PREX2: variants seen among roughly 807,000 people sequenced by gnomAD.
PREX2 encodes phosphatidylinositol 3,4,5-trisphosphate-dependent Rac exchanger 2 protein.
PREX2 carries 107 observed loss-of-function variants against 203.2 expected under a neutral mutation model. The ratio of observed to expected loss-of-function variants is 0.53; its 90% CI spans 0.45 to 0.62. PREX2 has a LOEUF of 0.62. Among genes scored for constraint, PREX2 ranks in the 20% least tolerant of loss-of-function variants. PREX2 has a pLI of 0.00. For missense variants in PREX2, 1,777 were observed against 1,955.9 expected (o/e 0.91, Z 1.72); for synonymous variants, 672 against 663.6 (o/e 1.01, Z -0.19).
intron 1 of PREX2, among the ~76,000 whole-genome samples, chr8:68,016,023 G>A (rs563408790): frequency 6.6e-6 from 1 of 152,268 alleles, no homozygotes; most frequent in South Asian, 2.1e-4. Context: ...TGAACTGGTT[G>A]AATCAGGAAT....
intron 1 of PREX2, among the ~76,000 whole-genome samples, chr8:67,954,689 A>G (rs141474378): frequency 2.0e-5 from 3 of 152,352 alleles, no homozygotes; most frequent in Admixed American, 1.3e-4. Flanking sequence ...GTCAAATTAA[A>G]TATTTGTTAG....
chr8:68,204,459 C>T (rs1256661296), intron 37 of PREX2, among the ~76,000 whole-genome samples: 1 of 152,068 alleles, frequency 6.6e-6, no homozygotes, highest in Non-Finnish European at 1.5e-5. Context: ...ATGGCTAATT[C>T]CCTGTGCAGC....
chr8:68,186,974 C>G (rs545520317), intron 35 of PREX2, among the ~76,000 whole-genome samples: 1 of 151,876 alleles, frequency 6.6e-6, no homozygotes, highest in Non-Finnish European at 1.5e-5. Flanking sequence ...AAGTGAATGT[C>G]GCAGAATCAG....
intron 11 of PREX2, among the ~76,000 whole-genome samples, chr8:68,063,466 C>T (rs1002700677): frequency 6.6e-6 from 1 of 152,182 alleles, no homozygotes; most frequent in South Asian, 2.1e-4. Flanking sequence ...GATGGCTGAG[C>T]CTCTGTCAGA....
intron 31 of PREX2, among the ~76,000 whole-genome samples, chr8:68,132,521 T>G (rs1016824411): frequency 1.3e-5 from 2 of 152,108 alleles, no homozygotes; most frequent in African/African-American, 4.8e-5. Context: ...AATAAAATTT[T>G]CAAGAGTAGG....
intron 13 of PREX2, among the ~76,000 whole-genome samples, chr8:68,071,633 G>A (rs1386111845): frequency 6.6e-6 from 1 of 152,034 alleles, no homozygotes; most frequent in Non-Finnish European, 1.5e-5. Context: ...AAATTTGGTT[G>A]GTATCCAACA....
At chr8:68,196,315 T>C (rs1812392503) in intron 37 of PREX2, among the ~76,000 whole-genome samples, 1 of 149,970 alleles carries the variant, frequency 6.7e-6, no homozygotes, top group South Asian at 2.1e-4. Flanking sequence ...TAGTTAAATA[T>C]ATAGAAAAAC....
chr8:68,006,828 A>G (rs1050713001), intron 1 of PREX2, among the ~76,000 whole-genome samples: 1 of 152,234 alleles, frequency 6.6e-6, no homozygotes, highest in Admixed American at 6.5e-5. Context: ...TATTGATGTT[A>G]GGGGATATTT....
rs374485957 is a variant in PREX2, at chr8:68,181,669, A to G, written c.4347-10053A>G. ...TTTTCTTGAGCAACAGCTACCATCC[A>G]TGATGGATAATTTTCAGTATTTTTT... On this transcript the variant is annotated intron_variant, in intron 35 of 39. Coordinates refer to ENST00000288368, the MANE Select transcript of PREX2 (RefSeq NM_024870.4). 1.3e-3 allele frequency among the ~76,000 whole-genome samples: 193 copies of G among 152,272 alleles called. 1 individual carries two copies. The highest frequency in any genetic ancestry group is 4.4e-3 in the African/African-American group (181 of 41,580).
intron 4 of PREX2, 125 bp downstream of exon 4, chr8:68,022,265 A>C: frequency 1.7e-6 from 1 of 590,520 alleles, no homozygotes; most frequent in South Asian, 2.1e-5. Flanking sequence ...CCAGGCGAGG[A>C]AGCAAGAGTC....
intron 33 of PREX2, among the ~76,000 whole-genome samples, chr8:68,143,777 C>T (rs1811272039): frequency 6.6e-6 from 1 of 152,106 alleles, no homozygotes; most frequent in Non-Finnish European, 1.5e-5. Context: ...CCAAGGTCAT[C>T]TAAGTTTTCT....
intron 21 of PREX2, among the ~76,000 whole-genome samples, chr8:68,096,789 G>A (rs1335829330): frequency 1.3e-5 from 2 of 152,140 alleles, no homozygotes; most frequent in Non-Finnish European, 2.9e-5. Flanking sequence ...GATATGCAAA[G>A]ATAAGACTAG....
intron 1 of PREX2, among the ~76,000 whole-genome samples, chr8:67,965,260 T>C (rs1805734240): frequency 6.6e-6 from 1 of 152,120 alleles, no homozygotes; most frequent in Non-Finnish European, 1.5e-5. Context: ...AGTTCTCCCA[T>C]TGGCATATCT....
intron 22 of PREX2, 124 bp downstream of exon 22, chr8:68,097,325 TC>T: frequency 1.4e-6 from 1 of 695,926 alleles, no homozygotes; most frequent in Non-Finnish European, 2.2e-6. Flanking sequence ...CATTCAAACT[TC>T]TTTTTTTTTT....
chr8:68,201,168 T>G (rs1812493000), intron 37 of PREX2, among the ~76,000 whole-genome samples: 1 of 152,134 alleles, frequency 6.6e-6, no homozygotes, highest in African/African-American at 2.4e-5. Context: ...TCTCTGTGGT[T>G]AGGGGTTTTT....
chr8:67,957,502 C>T (rs1805524609), intron 1 of PREX2, among the ~76,000 whole-genome samples: 2 of 152,160 alleles, frequency 1.3e-5, no homozygotes, highest in South Asian at 4.1e-4. Flanking sequence ...CTCAACCTTT[C>T]TCAGATTTGA....
chr8:68,069,878 T>G lies in PREX2; in HGVS notation c.1487T>G (p.Val496Gly). The G allele has an allele frequency of 5.2e-6, 8 of 1,538,464 alleles. No homozygotes were observed. Among genetic ancestry groups the G allele is most frequent in the Non-Finnish European group, 7.1e-6 (8 of 1,122,518 alleles). Residue 496 changes from valine to glycine, a missense_variant, in exon 13 of 40, where the codon GTG becomes GGG. By Grantham distance (109) the Val-to-Gly change is moderately radical (BLOSUM62 -3). Coordinates refer to ENST00000288368, the MANE Select transcript of PREX2 (RefSeq NM_024870.4). ...CGTCTTCATAGCCTTTTTACTCCAG[T>G]GATAAGGTGAGTCTGGTTTTTAAGT... ...YCRLHSLFTP[V>G]IRDKDYHLRT...
intron 3 of PREX2, among the ~76,000 whole-genome samples, 187 bp from the exon 4 acceptor site, chr8:68,021,849 A>G (rs1168607845): frequency 1.3e-5 from 2 of 152,174 alleles, no homozygotes; most frequent in African/African-American, 2.4e-5. Flanking sequence ...ATATACGTCT[A>G]TCTCCCTTTT....
chr8:68,102,781 C>T, intron 23 of PREX2: 1 of 513,668 alleles, frequency 1.9e-6, no homozygotes, highest in Non-Finnish European at 3.9e-6. Flanking sequence ...TGTAGTAAGA[C>T]TGCTGCAATT....
Sources: allele counts gnomAD v4.1 joint callset (sites outside exome capture counted in the v4.1 genomes callset), GRCh38; gene constraint gnomAD v4.1.1; transcripts MANE v1.5; gene names NCBI Gene and HGNC (gene_info 2026-07-23, HGNC 2026-07-21).